The following CHD2 variants were observed in gnomAD, a reference collection of about 807,000 sequenced individuals.
CHD2 encodes the protein ATP-dependent chromatin remodeler CHD2.
In CHD2, 28 loss-of-function variants were observed where a neutral mutation model predicts 243.9. The observed-to-expected ratio is 0.11, with a 90% confidence interval of 0.09 to 0.16. The LOEUF is 0.16. Among genes scored for constraint, CHD2 ranks in the 10% least tolerant of loss-of-function variants. The pLI, the probability that CHD2 is intolerant of heterozygous loss-of-function variation, is 1.00. For missense variants in CHD2, 1,386 were observed against 2,209.8 expected, an observed-to-expected ratio of 0.63 and a Z score of 7.47; for synonymous variants, 775 against 779.0, an observed-to-expected ratio of 0.99 and a Z score of 0.09.
At position 92,980,823 on chromosome 15, in the gene CHD2, C is replaced by A; in HGVS notation, c.2885C>A (p.Pro962His). 1 of 1,612,434 alleles carries A rather than the reference C, an allele frequency of 6.2e-7. No homozygotes were observed. Among genetic ancestry groups the A allele is most frequent in the Non-Finnish European group, 8.5e-7 (1 of 1,178,818 alleles). Residue 962 changes from proline (P) to histidine (H), a missense_variant, in exon 23 of 39, where the codon CCT becomes CAT. Physicochemically the swap from Pro to His is moderately conservative, Grantham distance 77 (BLOSUM62 -2). Coordinates refer to ENST00000394196, the MANE Select transcript of CHD2 (RefSeq NM_001271.4). Reference sequence around the variant, plus strand: ...ACATTTTACTTCCACAGCTCAAATCCTTTTAATAAAGAAGAGCTGACAGCT... The same window carrying A: ...ACATTTTACTTCCACAGCTCAAATCATTTTAATAAAGAAGAGCTGACAGCT... ...ENNSGRSNSN[P>H]FNKEELTAIL...
chr15:93,012,851 T>C (rs1404118322), intron 36 of CHD2, among the ~76,000 whole-genome samples: 1 of 152,228 alleles, frequency 6.6e-6, no homozygotes, highest in East Asian at 1.9e-4. Flanking sequence ...GCTACTCACT[T>C]GTGAGAGGTG....
chr15:92,998,573 G>T lies in CHD2; in HGVS notation c.3960G>T (p.Leu1320=), dbSNP rs762258384. The change falls in exon 31 of 39, where the codon CTG becomes CTT. Residue 1320 remains leucine (L), a synonymous_variant. Coordinates refer to ENST00000394196, the MANE Select transcript of CHD2 (RefSeq NM_001271.4). This position sits in a 1 kb window ranked among gnomAD's most constrained non-coding sequence, Gnocchi z 5.1. ...LQTRADYLLK[L]LRKGLEKKGA... ...CCCGAGCGGATTACTTGTTGAAGCT[G>T]CTCAGAAAGGGTCTGGAGAAGAAGG... is the stretch of plus-strand genomic sequence containing the variant. 1.9e-6 allele frequency: 3 copies of T among 1,613,664 alleles called. No homozygotes were observed. The East Asian group carries it at 6.7e-5, about 36-fold the overall frequency.
In CHD2 at chr15:92,930,677, C is replaced by T. The variant is rs572974444; in HGVS notation, c.443+1586C>T. 5.6e-4 allele frequency among the ~76,000 whole-genome samples: 86 copies of T among 152,262 alleles called. 2 individuals are homozygous for T. The highest frequency in any genetic ancestry group is 1.7e-4 in the African/African-American group (7 of 41,548). On this transcript the variant is annotated intron_variant, in intron 5 of 38. Coordinates refer to ENST00000394196, the MANE Select transcript of CHD2 (RefSeq NM_001271.4). The stretch of plus-strand genomic sequence containing the variant: ...AACCTCCTGAGCTCAAGCAGTCCTC[C>T]AGCCTCGGTCTCCTAGGATTACAGG...
chr15:92,901,374 GAC>G, intron 2 of CHD2, 75 bp downstream of exon 2: 9 of 852,648 alleles, frequency 1.1e-5, no homozygotes, highest in Non-Finnish European at 1.7e-5. Flanking sequence ...TGTTTACCTT[GAC>G]AGACATGGAT....
chr15:92,955,706 C>T (rs2053609606), intron 15 of CHD2, among the ~76,000 whole-genome samples, 194 bp downstream of exon 15: 1 of 152,102 alleles, frequency 6.6e-6, no homozygotes, highest in Non-Finnish European at 1.5e-5. Context: ...AGCAAATGAA[C>T]AACCAGAAAA....
intron 2 of CHD2, among the ~76,000 whole-genome samples, chr15:92,911,846 T>A (rs1299640776): frequency 6.6e-6 from 1 of 152,198 alleles, no homozygotes; most frequent in Non-Finnish European, 1.5e-5. Context: ...TTGCTTCTTT[T>A]TAAACACTTT....
At chr15:92,930,496 G>C (rs914905656) in intron 5 of CHD2, among the ~76,000 whole-genome samples, 4 of 152,024 alleles carry the variant, frequency 2.6e-5, no homozygotes, top group Non-Finnish European at 5.9e-5. Flanking sequence ...GCAGTGGCTT[G>C]ATCTCAGCTC....
rs1452733504 is a variant in CHD2 at position 92,900,353 on chromosome 15, C to T, written c.-543C>T. 5.2e-6 allele frequency: 2 copies of T among 386,536 alleles called. No homozygotes were observed. Among genetic ancestry groups the T allele is most frequent in the African/African-American group, 2.1e-5 (1 of 48,350 alleles). 23.9% of individuals were successfully genotyped at this position (386,536 alleles called of 1,614,324 possible). On this transcript the variant is annotated 5_prime_UTR_variant, in exon 1 of 39. Coordinates refer to ENST00000394196, the MANE Select transcript of CHD2 (RefSeq NM_001271.4). ...CTGGGAAGGAGGCTCTAGATGGCGG[C>T]TGTGCCTTAGAGAGAGCGCGCTCTG...
At chr15:92,991,652 A>T in intron 27 of CHD2, 135 bp downstream of exon 27, 1 of 566,686 alleles carries the variant, frequency 1.8e-6, no homozygotes, top group Non-Finnish European at 3.0e-6. Context: ...ATTTACAAAC[A>T]TTTATATATT....
intron 38 of CHD2, among the ~76,000 whole-genome samples, chr15:93,023,447 G>C (rs1196852608): frequency 1.3e-5 from 2 of 152,092 alleles, no homozygotes; most frequent in Non-Finnish European, 2.9e-5. Context: ...TTCCATCTTT[G>C]GGCTGTTGTG....
At chr15:93,000,821 A>G (rs189890759) in intron 32 of CHD2, among the ~76,000 whole-genome samples, 181 bp downstream of exon 32, 1 of 152,184 alleles carries the variant, frequency 6.6e-6, no homozygotes, top group African/African-American at 2.4e-5. Flanking sequence ...GCAAATTTGT[A>G]CATAATGGAA....
intron 25 of CHD2, among the ~76,000 whole-genome samples, 196 bp from the exon 26 acceptor site, chr15:92,985,302 A>G (rs965930321): frequency 3.3e-5 from 5 of 152,232 alleles, no homozygotes; most frequent in Admixed American, 6.5e-5. Context: ...TTATATTACA[A>G]TGTCTCTGAA....
Position 92,944,368 on chromosome 15 carries a change from C to G in CHD2, c.1053-47C>G. ...ACTTTTGCTTTGATGTATGTGGATCCCCAGACTTTAGTTTATGTGTACTTT... is the reference window on the plus strand; with the variant it reads ...ACTTTTGCTTTGATGTATGTGGATCGCCAGACTTTAGTTTATGTGTACTTT... On this transcript the variant is annotated intron_variant, in intron 9 of 38. Transcript: ENST00000394196. The G allele has an allele frequency of 2.7e-6, 3 of 1,117,278 alleles. No homozygotes were observed. In the South Asian group the frequency reaches 4.0e-5, roughly 15 times the overall value. The allele number at this position is 1,117,278 out of a possible 1,614,324, so 69.2% of individuals were successfully genotyped here.
chr15:92,993,092 C>A, intron 28 of CHD2, 94 bp downstream of exon 28: 2 of 1,273,642 alleles, frequency 1.6e-6, no homozygotes, highest in South Asian at 1.3e-5. Flanking sequence ...GGCTTGAGGA[C>A]CACACATGCC....
chr15:92,992,157 T>C (rs978459658), intron 27 of CHD2, among the ~76,000 whole-genome samples: 7 of 152,214 alleles, frequency 4.6e-5, no homozygotes, highest in Non-Finnish European at 1.0e-4. Flanking sequence ...ATAAACTTCT[T>C]GAGTGGGTGA....
At chr15:92,931,518 G>A (rs1429698916) in intron 5 of CHD2, among the ~76,000 whole-genome samples, 7 of 151,098 alleles carry the variant, frequency 4.6e-5, no homozygotes. Context: ...TAGCTGGGAC[G>A]ACAGGCGTGC....
intron 2 of CHD2, among the ~76,000 whole-genome samples, chr15:92,922,528 G>T (rs1012584124): frequency 6.6e-6 from 1 of 152,140 alleles, no homozygotes; most frequent in African/African-American, 2.4e-5. Context: ...GGTGTTATTT[G>T]CAGCAGTCCC....
intron 2 of CHD2, among the ~76,000 whole-genome samples, chr15:92,915,379 A>G (rs1476247017): frequency 6.6e-6 from 1 of 151,830 alleles, no homozygotes; most frequent in South Asian, 2.1e-4. Context: ...GGTTCACGCC[A>G]TTCTGCTGCC....
At chr15:92,954,747 G>A (rs2141813764) in intron 14 of CHD2, among the ~76,000 whole-genome samples, 1 of 152,224 alleles carries the variant, frequency 6.6e-6, no homozygotes, top group South Asian at 2.1e-4. Flanking sequence ...CCTTTTCTTT[G>A]TTCTTTTTAC....
Sources: gnomAD v4.1 joint callset for allele counts (sites outside exome capture counted in the v4.1 genomes callset) on GRCh38, gnomAD v4.1.1 for gene constraint, Gnocchi (gnomAD v3.1) non-coding constraint, MANE v1.5 for transcripts, NCBI Gene and HGNC (gene_info 2026-07-23, HGNC 2026-07-21) for gene names.